Variants in GRIA3 observed in about 807,000 individuals in gnomAD.
GRIA3 encodes glutamate ionotropic receptor AMPA type subunit 3.
In GRIA3, 3 loss-of-function variants were observed where a neutral mutation model predicts 63.0. The ratio of observed to expected loss-of-function variants is 0.05; its 90% CI spans 0.02 to 0.12. GRIA3 has a LOEUF of 0.12. GRIA3 is among the 10% of genes least tolerant of loss of function. The probability of loss-of-function intolerance (pLI) is 1.00; values close to 1 mark genes in which losing one functional copy is unlikely to be tolerated. For synonymous variants in GRIA3, 274 were observed against 257.9 expected, an observed-to-expected ratio of 1.06 and a Z score of -0.60; for missense variants, 347 against 700.9, an observed-to-expected ratio of 0.50 and a Z score of 5.70.
chrX:123,220,411 G>C lies in GRIA3; in HGVS notation c.269-32892G>C, dbSNP rs761292084. Among the ~76,000 whole-genome samples the C allele has an allele frequency of 1.6e-4, 18 of 112,441 alleles. No individual in the cohort carries two copies. In the South Asian group the frequency reaches 3.0e-3, roughly 19 times the overall value. ...GGTGTTAATGAACATAGGTAAGGAA[G>C]AATGGTGATAGTTAATCAGCAGTCC... On this transcript the variant is annotated intron_variant, in intron 2 of 15. Transcript: ENST00000620443.
chrX:123,226,116 T>C (rs1451286298), intron 2 of GRIA3, among the ~76,000 whole-genome samples: 1 of 111,482 alleles, frequency 9.0e-6, no homozygotes, highest in African/African-American at 3.3e-5. Flanking sequence ...AAATAAAACA[T>C]ACATGTCAAG....
rs1466546133 is a variant in GRIA3 at position 123,490,226 on chromosome X, C to T, written c.*1516C>T. 8.9e-6 allele frequency: 1 copy of T among 112,848 alleles called. No homozygotes were observed. Among genetic ancestry groups the T allele is most frequent in the Non-Finnish European group, 1.9e-5 (1 of 53,350 alleles). The allele number at this position is 112,848 out of a possible 1,213,427, so 9.3% of individuals were successfully genotyped here. The stretch of plus-strand genomic sequence containing the variant: ...GTGTGACCCTTAGATGCTTAGTTGA[C>T]TCGCTGCATATTTGCTCTTGTCTTC... On this transcript the variant is annotated 3_prime_UTR_variant, in exon 16 of 16. Coordinates refer to ENST00000620443, the MANE Select transcript of GRIA3 (RefSeq NM_007325.5).
At chrX:123,419,717 T>G (rs1445444908) in intron 11 of GRIA3, among the ~76,000 whole-genome samples, 1 of 111,224 alleles carries the variant, frequency 9.0e-6, no homozygotes, top group African/African-American at 3.3e-5. Context: ...TGGACTAAAA[T>G]TCTATTTATC....
chrX:123,396,558 A>G (rs1329904640), intron 6 of GRIA3, among the ~76,000 whole-genome samples: 1 of 111,464 alleles, frequency 9.0e-6, no homozygotes, highest in Non-Finnish European at 1.9e-5. Flanking sequence ...TATGGTCACA[A>G]TCCCTATGAT....
intron 2 of GRIA3, among the ~76,000 whole-genome samples, chrX:123,243,711 G>A (rs1487570787): frequency 8.9e-6 from 1 of 112,208 alleles, no homozygotes; most frequent in Non-Finnish European, 1.9e-5. Flanking sequence ...GTACTAGACT[G>A]TAAGCACCAT....
chrX:123,341,770 T>C (rs2045010137), intron 4 of GRIA3, among the ~76,000 whole-genome samples: 2 of 112,128 alleles, frequency 1.8e-5, no homozygotes, highest in African/African-American at 6.5e-5. Context: ...GCTCAGAAGG[T>C]ACCTGGTTTA....
chrX:123,317,335 G>A (rs2044838738), intron 3 of GRIA3, among the ~76,000 whole-genome samples: 1 of 110,998 alleles, frequency 9.0e-6, no homozygotes, highest in Admixed American at 9.6e-5. Flanking sequence ...AACCAATCAT[G>A]CCTTCCCAAC....
intron 2 of GRIA3, among the ~76,000 whole-genome samples, chrX:123,210,503 G>C (rs942562794): frequency 3.6e-5 from 4 of 110,700 alleles, no homozygotes; most frequent in African/African-American, 1.3e-4. Context: ...TTCCCTTTTT[G>C]CCTGTAACAT....
intron 4 of GRIA3, among the ~76,000 whole-genome samples, chrX:123,326,751 C>T (rs1236964470): frequency 9.0e-6 from 1 of 111,528 alleles, no homozygotes; most frequent in Non-Finnish European, 1.9e-5. Context: ...CAGATTATCC[C>T]TCTGGATCAG....
At chrX:123,372,116 C>A (rs2045250891) in intron 5 of GRIA3, among the ~76,000 whole-genome samples, 1 of 112,047 alleles carries the variant, frequency 8.9e-6, no homozygotes, top group Admixed American at 9.5e-5. Flanking sequence ...TTTCCCAGCA[C>A]AATTTATTGA....
intron 2 of GRIA3, among the ~76,000 whole-genome samples, chrX:123,200,976 G>C (rs985173551): frequency 2.6e-4 from 29 of 111,773 alleles, no homozygotes; most frequent in African/African-American, 8.8e-4. Flanking sequence ...TTGTTGTATA[G>C]CCTTGGGTGA....
At chrX:123,410,172 G>C (rs2045497526) in intron 10 of GRIA3, among the ~76,000 whole-genome samples, 1 of 111,471 alleles carries the variant, frequency 9.0e-6, no homozygotes, top group Non-Finnish European at 1.9e-5. Context: ...ATAGACAGCT[G>C]GGGGTTCTGC....
At chrX:123,373,473 C>T (rs2045262666) in intron 5 of GRIA3, among the ~76,000 whole-genome samples, 1 of 111,893 alleles carries the variant, frequency 8.9e-6, no homozygotes, top group South Asian at 3.7e-4. Flanking sequence ...AGTTTACACT[C>T]CCACCAACAG....
intron 2 of GRIA3, among the ~76,000 whole-genome samples, chrX:123,218,093 C>T (rs1373983450): frequency 5.3e-5 from 6 of 112,423 alleles, no homozygotes; most frequent in African/African-American, 1.9e-4. Flanking sequence ...TTTTTGAAAC[C>T]TTACATTGTT....
intron 5 of GRIA3, among the ~76,000 whole-genome samples, chrX:123,379,797 C>G (rs779520613): frequency 1.3e-5 from 1 of 78,034 alleles, no homozygotes; most frequent in South Asian, 1.1e-3. Flanking sequence ...CTCCCCCTCC[C>G]CCCACCCCAC....
Position 123,345,439 on chromosome X carries a change from A to AACACACACACAC in GRIA3, c.697-9426_697-9415dup, listed in dbSNP as rs59142587. Among the ~76,000 whole-genome samples the AACACACACACAC allele has an allele frequency of 7.6e-3, 501 of 65,859 alleles. 11 individuals are homozygous for AACACACACACAC. Among genetic ancestry groups the AACACACACACAC allele is most frequent in the African/African-American group, 0.029 (439 of 15,172 alleles). The allele number at this position is 65,859 out of a possible 115,157, so 57.2% of individuals were successfully genotyped here. A position where few individuals can be genotyped will look rare whatever the true frequency, so the allele number is the denominator to read the frequency against. ...TCTCTGAGTGGGAGCCCCCCTTCAC[A>AACACACACACAC]ACACACACACACACACACACACACA... On this transcript the variant is annotated intron_variant, in intron 4 of 15. Transcript: ENST00000620443.
At chrX:123,419,377 C>A (rs1383595858) in intron 11 of GRIA3, among the ~76,000 whole-genome samples, 2 of 105,145 alleles carry the variant, frequency 1.9e-5, no homozygotes, top group African/African-American at 3.5e-5. Flanking sequence ...CCATTGCACT[C>A]CAGCCTGGGC....
At chrX:123,406,594 T>C (rs1162367846) in intron 10 of GRIA3, among the ~76,000 whole-genome samples, 1 of 111,537 alleles carries the variant, frequency 9.0e-6, no homozygotes, top group Non-Finnish European at 1.9e-5. Context: ...GGACCCCAGA[T>C]ATAAAAACTG....
At chrX:123,293,059 G>A (rs780024099) in intron 3 of GRIA3, among the ~76,000 whole-genome samples, 2 of 110,117 alleles carry the variant, frequency 1.8e-5, no homozygotes, top group Non-Finnish European at 3.8e-5. Flanking sequence ...TGAGAAATAG[G>A]AAAGGGATGG....
Sources: allele counts gnomAD v4.1 joint callset (sites outside exome capture counted in the v4.1 genomes callset), GRCh38; gene constraint gnomAD v4.1.1; transcripts MANE v1.5; gene names NCBI Gene and HGNC (gene_info 2026-07-23, HGNC 2026-07-21).